PRUNE2: variants seen among roughly 807,000 people sequenced by gnomAD.
PRUNE2 encodes the protein protein prune homolog 2.
In PRUNE2, 164 loss-of-function variants were observed where a neutral mutation model predicts 252.0. That is an observed-to-expected ratio of 0.65 (90% CI 0.57 to 0.74). The LOEUF is 0.74. Ranked by LOEUF, PRUNE2 falls within the 30% of genes least tolerant of loss-of-function variation. The pLI, the probability that PRUNE2 is intolerant of heterozygous loss-of-function variation, is 0.00. For synonymous variants in PRUNE2, 1,292 were observed against 1,350.2 expected, an observed-to-expected ratio of 0.96 and a Z score of 0.94; for missense variants, 3,495 against 3,711.0, an observed-to-expected ratio of 0.94 and a Z score of 1.51.
At chr9:76,871,829 ATGTT>A (rs2061217690) in intron 1 of PRUNE2, among the ~76,000 whole-genome samples, 1 of 152,070 alleles carries the variant, frequency 6.6e-6, no homozygotes. Flanking sequence ...GGGTTTCACC[ATGTT>A]GCCCAGACTG....
chr9:76,851,022 A>G (rs1051450130), intron 2 of PRUNE2, among the ~76,000 whole-genome samples: 1 of 152,034 alleles, frequency 6.6e-6, no homozygotes, highest in African/African-American at 2.4e-5. Context: ...TAAATTGTGC[A>G]GGGGCTAAAA....
At chr9:76,693,689 G>A (rs191725382) in intron 9 of PRUNE2, among the ~76,000 whole-genome samples, 31 of 152,106 alleles carry the variant, frequency 2.0e-4, no homozygotes, top group South Asian at 1.2e-3. Context: ...TGATCCACCC[G>A]CCTTGGCCTC....
chr9:76,703,353 T>G lies in PRUNE2; in HGVS notation c.8260A>C (p.Ile2754Leu). 1 of 1,593,810 alleles carries G rather than the reference T, an allele frequency of 6.3e-7. No homozygotes were observed. The highest frequency in any genetic ancestry group is 2.2e-5 in the East Asian group (1 of 44,618). ...TTTGCTTACCCATTTGGTCTTGATATCCTGGTTCCGAGCTCAAGGAACTCT... is the reference window on the plus strand; with the variant it reads ...TTTGCTTACCCATTTGGTCTTGATAGCCTGGTTCCGAGCTCAAGGAACTCT... ...ETEFLELGTRISRPNGLLSED... is the reference protein window; with the variant it reads ...ETEFLELGTRLSRPNGLLSED... The change falls in exon 9 of 19, where the codon ATA becomes CTA. Residue 2754 changes from isoleucine to leucine, a missense_variant. Physicochemically the swap from Ile to Leu is conservative, Grantham distance 5. Transcript: ENST00000376718.
chr9:76,684,020 A>G (rs185781173), intron 9 of PRUNE2, among the ~76,000 whole-genome samples: 29 of 152,008 alleles, frequency 1.9e-4, no homozygotes, highest in Admixed American at 5.2e-4. Context: ...TTTGACATAT[A>G]TTTACACTGT....
At chr9:76,767,356 C>G (rs1014904522) in intron 6 of PRUNE2, among the ~76,000 whole-genome samples, 4 of 151,814 alleles carry the variant, frequency 2.6e-5, no homozygotes, top group African/African-American at 9.7e-5. Flanking sequence ...GAGGCCGAGG[C>G]AGGAGAATAG....
chr9:76,827,973 C>T (rs80250771), intron 4 of PRUNE2, among the ~76,000 whole-genome samples: 7,646 of 152,280 alleles, frequency 0.05, 232 homozygotes, highest in African/African-American at 0.085. Context: ...TGCCTTTTAT[C>T]GGCCAGGCAG....
chr9:76,642,635 T>C (rs568397665), intron 12 of PRUNE2, among the ~76,000 whole-genome samples: 2 of 152,238 alleles, frequency 1.3e-5, no homozygotes, highest in Non-Finnish European at 2.9e-5. Flanking sequence ...GATTGCTGCT[T>C]TTTAAATGCT....
intron 1 of PRUNE2, among the ~76,000 whole-genome samples, chr9:76,889,182 G>A (rs1285310247): frequency 1.3e-5 from 2 of 152,064 alleles, no homozygotes; most frequent in African/African-American, 4.8e-5. Context: ...CTTCCTTGCT[G>A]CCAGGCACTG....
intron 1 of PRUNE2, among the ~76,000 whole-genome samples, chr9:76,898,405 T>C (rs2062974098): frequency 6.6e-6 from 1 of 152,186 alleles, no homozygotes; most frequent in African/African-American, 2.4e-5. Flanking sequence ...TTGGACTGTG[T>C]TGATGTTTCC....
chr9:76,776,886 A>C (rs2053831230), intron 6 of PRUNE2, among the ~76,000 whole-genome samples: 1 of 111,574 alleles, frequency 9.0e-6, no homozygotes, highest in Non-Finnish European at 1.7e-5. Context: ...CTCATTACCA[A>C]AACACATACA....
intron 6 of PRUNE2, among the ~76,000 whole-genome samples, chr9:76,751,012 TG>T (rs1336691202): frequency 6.6e-6 from 1 of 152,242 alleles, no homozygotes; most frequent in Non-Finnish European, 1.5e-5. Context: ...AAATGATTAA[TG>T]TTCAACAGAA....
chr9:76,708,140 A>AAAT lies in PRUNE2; in HGVS notation c.4133_4134insATT (p.Ile1378_Lys1379insPhe). The AAAT allele has an allele frequency of 6.2e-7, 1 of 1,613,934 alleles. No individual in the cohort carries two copies. Among genetic ancestry groups the AAAT allele is most frequent in the Non-Finnish European group, 8.5e-7 (1 of 1,179,892 alleles). On this transcript the variant is annotated inframe_insertion, in exon 8 of 19. Transcript: ENST00000376718. ...CAAGAGAGCTGATTTTGCCTGATTT[A>AAAT]ATGCAGATTTCCTGATGTTCAGATG...
chr9:76,857,685 T>C (rs918908589), intron 1 of PRUNE2, among the ~76,000 whole-genome samples: 3 of 152,124 alleles, frequency 2.0e-5, no homozygotes, highest in Admixed American at 6.5e-5. Flanking sequence ...TCTCTTCAAA[T>C]TGGAATTAAG....
chr9:76,750,075 C>T (rs1049702261), intron 6 of PRUNE2, among the ~76,000 whole-genome samples: 9 of 152,092 alleles, frequency 5.9e-5, no homozygotes, highest in Non-Finnish European at 1.0e-4. Context: ...CATTCCAACA[C>T]CAAAGACACA....
intron 6 of PRUNE2, among the ~76,000 whole-genome samples, chr9:76,753,092 T>C (rs1441495097): frequency 6.6e-6 from 1 of 152,166 alleles, no homozygotes; most frequent in Non-Finnish European, 1.5e-5. Context: ...TGCAGTGGTG[T>C]GATCACAACT....
intron 6 of PRUNE2, chr9:76,740,072 A>AAAC (rs1297080117): frequency 1.3e-5 from 2 of 151,798 alleles, no homozygotes; most frequent in African/African-American, 4.8e-5. Flanking sequence ...TCAAAAAAAA[A>AAAC]AACAAAGTTA....
intron 6 of PRUNE2, among the ~76,000 whole-genome samples, chr9:76,808,064 G>A: frequency 6.6e-6 from 1 of 152,136 alleles, no homozygotes; most frequent in Admixed American, 6.5e-5. Flanking sequence ...TGTAATCCCA[G>A]CTACTCGGGA....
chr9:76,629,203 C>G lies in PRUNE2; in HGVS notation c.9138G>C (p.Glu3046Asp). The change falls in exon 16 of 19, where the codon GAG becomes GAC. Residue 3046 changes from glutamate to aspartate, a missense_variant. Physicochemically the swap from Glu to Asp is conservative, Grantham distance 45. Transcript: ENST00000376718. ...CTGTCAGGACTTACTTGATGATGCTCTCTGGAATGTGGATGCAATCCATTG... is the reference window on the plus strand; with the variant it reads ...CTGTCAGGACTTACTTGATGATGCTGTCTGGAATGTGGATGCAATCCATTG... ...LIPMDCIHIP[E>D]SIIKLDEELR... is the part of the protein sequence containing the mutation. The G allele has an allele frequency of 1.3e-6, 2 of 1,597,614 alleles. No homozygotes were observed. Among genetic ancestry groups the G allele is most frequent in the Non-Finnish European group, 1.7e-6 (2 of 1,168,664 alleles).
rs200283459 is a variant in PRUNE2, at chr9:76,708,996, C to T, written c.3278G>A (p.Arg1093Gln). The T allele has an allele frequency of 5.1e-5, 83 of 1,613,786 alleles. No homozygotes were observed. Among genetic ancestry groups the T allele is most frequent in the Non-Finnish European group, 4.7e-5 (55 of 1,179,872 alleles). ...GCTGCTGTGCAAAAGTGTGAGTTGT[C>T]GGTTTGTTTCATTGTACAGTTGCAT... ...SMMQLYNETN[R>Q]QLTLLHSSTN... Residue 1093 changes from arginine to glutamine, a missense_variant, in exon 8 of 19, where the codon CGA (arginine) becomes CAA (glutamine). Physicochemically the swap from Arg to Gln is conservative, Grantham distance 43. Coordinates refer to ENST00000376718, the MANE Select transcript of PRUNE2 (RefSeq NM_015225.3).
Sources: gnomAD v4.1 joint callset for allele counts (sites outside exome capture counted in the v4.1 genomes callset) on GRCh38, gnomAD v4.1.1 for gene constraint, MANE v1.5 for transcripts, NCBI Gene and HGNC (gene_info 2026-07-23, HGNC 2026-07-21) for gene names.